CCDC178: variants seen among roughly 807,000 people sequenced by gnomAD.
CCDC178 encodes the protein coiled-coil domain containing 178.
CCDC178 carries 126 observed loss-of-function variants against 117.4 expected under a neutral mutation model. The observed-to-expected ratio is 1.07, with a 90% CI of 0.93 to 1.24. The LOEUF is 1.24. Ranked by LOEUF, CCDC178 falls within the 50% of genes most tolerant of loss-of-function variation. The pLI is 0.00. For missense variants in CCDC178, 1,030 were observed against 986.9 expected, an observed-to-expected ratio of 1.04 and a Z score of -0.59; for synonymous variants, 283 against 313.4, an observed-to-expected ratio of 0.90 and a Z score of 1.02.
intron 20 of CCDC178, among the ~76,000 whole-genome samples, chr18:33,161,659 AT>A (rs1434918585): frequency 1.3e-5 from 2 of 152,164 alleles, no homozygotes; most frequent in Admixed American, 6.6e-5. Context: ...TATCCTATCC[AT>A]TCACAATTAC....
In CCDC178 at chr18:33,333,391, T is replaced by A. The variant is rs371866883; in HGVS notation, c.662A>T (p.His221Leu). The change falls in exon 10 of 23, where the codon CAT becomes CTT. Residue 221 changes from histidine to leucine, a missense_variant. Transcript: ENST00000383096. ...QELPLAVQKE[H>L]EAYLSDVIEL... ...TATAACATCACTCAAATAGGCCTCA[T>A]GTTCTAGATATAGAAGGATAAGAAC... 2.6e-6 allele frequency: 4 copies of A among 1,565,620 alleles called. No homozygotes were observed. The highest frequency in any genetic ancestry group is 2.7e-5 in the African/African-American group (2 of 73,764).
intron 19 of CCDC178, among the ~76,000 whole-genome samples, chr18:33,212,492 G>T (rs574604064): frequency 1.3e-5 from 2 of 152,100 alleles, no homozygotes; most frequent in East Asian, 3.9e-4. Context: ...TTTCAAGGTT[G>T]CTGCCAACAG....
rs192215325 is a variant in CCDC178, at chr18:33,151,523, T to C, written c.2239-58613A>G. Among the ~76,000 whole-genome samples the C allele has an allele frequency of 6.6e-4, 96 of 145,640 alleles. 1 individual carries two copies. The East Asian group carries it at 0.013, about 20-fold the overall frequency. On this transcript the variant is annotated intron_variant, in intron 20 of 22. Transcript: ENST00000383096. ...TTAACATTCTCAAAGAGAAAAGAGT[T>C]CTAAAAATACAACAGTTCTCTTAGA...
chr18:33,397,043 G>A (rs2063647388), intron 4 of CCDC178, 106 bp downstream of exon 4: 1 of 719,746 alleles, frequency 1.4e-6, no homozygotes, highest in Non-Finnish European at 2.4e-6. Flanking sequence ...CAATTAGGAA[G>A]AACAGAAGAA....
chr18:33,034,694 G>A (rs924260719), intron 21 of CCDC178, among the ~76,000 whole-genome samples: 15 of 151,996 alleles, frequency 9.9e-5, no homozygotes, highest in Non-Finnish European at 1.2e-4. Flanking sequence ...TGATTTCACA[G>A]TATTTTAATT....
intron 20 of CCDC178, among the ~76,000 whole-genome samples, chr18:33,124,162 G>A (rs893761168): frequency 6.6e-6 from 1 of 152,206 alleles, no homozygotes; most frequent in Admixed American, 6.5e-5. Context: ...AACTGATGGT[G>A]TCTGCAGTTT....
chr18:33,386,727 A>C (rs1335488673), intron 5 of CCDC178, among the ~76,000 whole-genome samples: 2 of 152,208 alleles, frequency 1.3e-5, no homozygotes, highest in African/African-American at 4.8e-5. Flanking sequence ...CAAAATAATA[A>C]GAGCCATTTA....
chr18:33,075,540 CTACT>C (rs779426113), intron 21 of CCDC178, among the ~76,000 whole-genome samples: 4 of 151,742 alleles, frequency 2.6e-5, no homozygotes, highest in Non-Finnish European at 5.9e-5. Context: ...ATATATATAC[CTACT>C]ATGTAACTTC....
intron 21 of CCDC178, among the ~76,000 whole-genome samples, chr18:32,978,203 ATTTTTTTTTTT>A (rs34863142): frequency 1.9e-4 from 17 of 90,024 alleles, no homozygotes; most frequent in Non-Finnish European, 2.7e-4. Flanking sequence ...CTCAAAAAAG[ATTTTTTTTTTT>A]TTTTTTTTTT....
At chr18:33,141,548 T>C (rs1327997053) in intron 20 of CCDC178, among the ~76,000 whole-genome samples, 3 of 152,212 alleles carry the variant, frequency 2.0e-5, no homozygotes, top group African/African-American at 4.8e-5. Context: ...AGGTTAGCCA[T>C]ACTGGACATT....
chr18:33,401,033 T>C (rs935636463), intron 3 of CCDC178, among the ~76,000 whole-genome samples: 1 of 151,980 alleles, frequency 6.6e-6, no homozygotes, highest in Non-Finnish European at 1.5e-5. Flanking sequence ...GAGAGAGAAA[T>C]AGATGTGGGG....
chr18:33,006,863 A>C (rs943927042), intron 21 of CCDC178, among the ~76,000 whole-genome samples: 2 of 151,996 alleles, frequency 1.3e-5, no homozygotes, highest in Non-Finnish European at 2.9e-5. Context: ...CAGCAAGAAA[A>C]ACTGATTTCT....
chr18:33,252,032 T>C (rs2144715436), intron 14 of CCDC178, among the ~76,000 whole-genome samples: 1 of 151,892 alleles, frequency 6.6e-6, no homozygotes, highest in East Asian at 1.9e-4. Context: ...GTAAGGATGA[T>C]AGTTTGGTCA....
At chr18:33,006,392 T>A (rs539018889) in intron 21 of CCDC178, among the ~76,000 whole-genome samples, 1 of 152,106 alleles carries the variant, frequency 6.6e-6, no homozygotes, top group East Asian at 1.9e-4. Context: ...AATTTGATAA[T>A]TTTTTTTCTA....
Position 33,141,207 on chromosome 18 carries a change from A to C in CCDC178, c.2239-48297T>G, listed in dbSNP as rs184205066. Among the ~76,000 whole-genome samples the C allele has an allele frequency of 1.0e-3, 153 of 152,304 alleles. 1 individual carries two copies. The highest frequency in any genetic ancestry group is 1.7e-3 in the Admixed American group (26 of 15,300). On this transcript the variant is annotated intron_variant, in intron 20 of 22. Coordinates refer to ENST00000383096, the MANE Select transcript of CCDC178 (RefSeq NM_001105528.4). ...GACTAATACATCCAGAAAGAAGAAA[A>C]GGTATGGGCGATTGAAATTCAGAAA...
intron 21 of CCDC178, among the ~76,000 whole-genome samples, chr18:33,000,246 G>C (rs2055603361): frequency 6.6e-6 from 1 of 151,726 alleles, no homozygotes; most frequent in Admixed American, 6.6e-5. Context: ...TCAAGCAGAA[G>C]AAAGAATTAG....
chr18:33,438,534 C>CA, intron 2 of CCDC178, among the ~76,000 whole-genome samples: 1 of 149,430 alleles, frequency 6.7e-6, no homozygotes, highest in East Asian at 2.0e-4. Context: ...CACACACACA[C>CA]ACACGGCAAA....
At chr18:33,210,147 T>C (rs1774116987) in intron 20 of CCDC178, among the ~76,000 whole-genome samples, 1 of 152,070 alleles carries the variant, frequency 6.6e-6, no homozygotes, top group African/African-American at 2.4e-5. Flanking sequence ...TATTGCGTAC[T>C]TCTGGCCAGA....
chr18:33,016,738 C>A (rs572478788), intron 21 of CCDC178, among the ~76,000 whole-genome samples: 7 of 151,620 alleles, frequency 4.6e-5, no homozygotes, highest in Admixed American at 3.3e-4. Context: ...CCCAGTGTAA[C>A]CACTAACAAA....
Sources: allele counts gnomAD v4.1 joint callset (sites outside exome capture counted in the v4.1 genomes callset), GRCh38; gene constraint gnomAD v4.1.1; transcripts MANE v1.5; gene names NCBI Gene and HGNC (gene_info 2026-07-23, HGNC 2026-07-21).